ASTN2: variants seen among roughly 807,000 people sequenced by gnomAD.
ASTN2 encodes the protein astrotactin-2.
Under a neutral mutation model 139.8 loss-of-function variants are expected in ASTN2, and 54 were observed. That is an observed-to-expected ratio of 0.39 (90% CI 0.31 to 0.48). ASTN2 has a LOEUF of 0.48. ASTN2 is among the 20% of genes least tolerant of loss of function. ASTN2 has a pLI of 0.95. For synonymous variants in ASTN2, 756 were observed against 719.5 expected, an observed-to-expected ratio of 1.05 and a Z score of -0.81; for missense variants, 1,565 against 1,725.1, an observed-to-expected ratio of 0.91 and a Z score of 1.64.
intron 1 of ASTN2, among the ~76,000 whole-genome samples, chr9:117,365,419 T>G (rs1296599141): frequency 6.6e-6 from 1 of 152,162 alleles, no homozygotes; most frequent in Non-Finnish European, 1.5e-5. Flanking sequence ...GTTTCACTCA[T>G]GCTATATGTT....
At chr9:117,387,677 C>A (rs917386348) in intron 1 of ASTN2, among the ~76,000 whole-genome samples, 37 of 152,146 alleles carry the variant, frequency 2.4e-4, no homozygotes, top group African/African-American at 8.7e-4. Context: ...AAAAACAGAG[C>A]TTGAACCAGA....
intron 16 of ASTN2, among the ~76,000 whole-genome samples, chr9:116,656,758 G>A (rs755156052): frequency 1.3e-5 from 2 of 151,194 alleles, no homozygotes; most frequent in Non-Finnish European, 2.9e-5. Context: ...CTTTTCGGCA[G>A]GAGATGATGG....
intron 2 of ASTN2, among the ~76,000 whole-genome samples, chr9:117,257,589 T>C (rs1305837550): frequency 6.6e-6 from 1 of 152,234 alleles, no homozygotes; most frequent in Admixed American, 6.5e-5. Flanking sequence ...GAAACATTAT[T>C]TAATGTATTT....
intron 6 of ASTN2, among the ~76,000 whole-genome samples, chr9:117,008,680 A>G (rs1355787645): frequency 6.6e-6 from 1 of 152,200 alleles, no homozygotes; most frequent in Admixed American, 6.5e-5. Context: ...CTGACTTATT[A>G]TAGGAAATAA....
At chr9:117,404,954 G>A (rs1427146784) in intron 1 of ASTN2, among the ~76,000 whole-genome samples, 2 of 152,120 alleles carry the variant, frequency 1.3e-5, no homozygotes, top group East Asian at 1.9e-4. Context: ...AAACATAGGA[G>A]TTTGCTTGTC....
chr9:117,120,100 T>A (rs1244268956), intron 4 of ASTN2, among the ~76,000 whole-genome samples: 1 of 138,300 alleles, frequency 7.2e-6, no homozygotes, highest in Non-Finnish European at 1.5e-5. Context: ...TGCTGAAAAA[T>A]TACAAAATAT....
At chr9:116,643,633 T>C (rs1857448410) in intron 17 of ASTN2, among the ~76,000 whole-genome samples, 1 of 152,122 alleles carries the variant, frequency 6.6e-6, no homozygotes, top group African/African-American at 2.4e-5. Context: ...CCCTCATAAG[T>C]TGTTGGATGA....
At chr9:116,964,079 C>T (rs1015441978) in intron 10 of ASTN2, among the ~76,000 whole-genome samples, 5 of 152,112 alleles carry the variant, frequency 3.3e-5, no homozygotes, top group African/African-American at 1.2e-4. Flanking sequence ...CTTGAGCATG[C>T]CACCTGTTTC....
At position 116,503,860 on chromosome 9, in the gene ASTN2, C is replaced by A. The variant is rs538944499; in HGVS notation, c.3356-16360G>T. ...GAGGTAGGCAGTTTAGGATTATCAT[C>A]CCCAGTTTACAGGTACCTGTGGTTA... On this transcript the variant is annotated intron_variant, in intron 19 of 22. Coordinates refer to ENST00000313400, the MANE Select transcript of ASTN2 (RefSeq NM_001365068.1). Among the ~76,000 whole-genome samples the A allele has an allele frequency of 5.3e-5, 8 of 152,244 alleles. No individual in the cohort carries two copies. The South Asian group carries it at 1.0e-3, about 20-fold the overall frequency.
At chr9:117,316,107 A>G (rs1297326934) in intron 1 of ASTN2, among the ~76,000 whole-genome samples, 1 of 152,230 alleles carries the variant, frequency 6.6e-6, no homozygotes, top group Admixed American at 6.5e-5. Flanking sequence ...CACAAATTGC[A>G]TGGCTTAGAC....
chr9:116,887,493 G>A, intron 10 of ASTN2, among the ~76,000 whole-genome samples: 1 of 151,810 alleles, frequency 6.6e-6, no homozygotes, highest in East Asian at 2.0e-4. Context: ...AGGTGCAAAG[G>A]CCCAGGGGCA....
At chr9:117,046,271 G>A (rs1424820107) in intron 5 of ASTN2, among the ~76,000 whole-genome samples, 1 of 152,098 alleles carries the variant, frequency 6.6e-6, no homozygotes, top group Non-Finnish European at 1.5e-5. Context: ...AATGTGCTAG[G>A]ATTATAGGCA....
intron 17 of ASTN2, among the ~76,000 whole-genome samples, chr9:116,625,839 T>C (rs142656270): frequency 7.1e-4 from 108 of 152,278 alleles, no homozygotes; most frequent in Non-Finnish European, 1.4e-3. Context: ...GAAGGAGGTG[T>C]GGACCCTGCC....
intron 1 of ASTN2, among the ~76,000 whole-genome samples, chr9:117,297,904 C>T (rs980242869): frequency 3.3e-5 from 5 of 152,340 alleles, no homozygotes; most frequent in South Asian, 4.1e-4. Flanking sequence ...CTTGACTAAA[C>T]GCCCAAGAAT....
At chr9:116,571,327 A>G (rs10739468) in intron 19 of ASTN2, among the ~76,000 whole-genome samples, 142,521 of 152,306 alleles carry the variant, frequency 0.94, 66,722 homozygotes, top group East Asian at 0.96. Context: ...CTGAGCACTC[A>G]ATCTGGACTC....
intron 19 of ASTN2, among the ~76,000 whole-genome samples, chr9:116,596,959 G>C (rs1361431603): frequency 6.6e-6 from 1 of 152,168 alleles, no homozygotes; most frequent in Non-Finnish European, 1.5e-5. Context: ...AAGTAGGCTA[G>C]TGTTGTTACT....
rs1030184101 is a variant in ASTN2, at chr9:117,148,557, G to A, written c.1016-7079C>T. ...AAGAGATAAACTCATCATAAAGTTAGCAGCAGACCAAGGTCTAGCACTCAA... is the reference window on the plus strand; with the variant it reads ...AAGAGATAAACTCATCATAAAGTTAACAGCAGACCAAGGTCTAGCACTCAA... On this transcript the variant is annotated intron_variant, in intron 3 of 22. Coordinates refer to ENST00000313400, the MANE Select transcript of ASTN2 (RefSeq NM_001365068.1). Among the ~76,000 whole-genome samples, 13 of 152,112 alleles carry A rather than the reference G, an allele frequency of 8.5e-5. 1 individual carries two copies. The highest frequency in any genetic ancestry group is 1.9e-4 in the Non-Finnish European group (13 of 68,026).
At chr9:116,632,252 G>GGAAAGAAAGAAAGAAA (rs1170260019) in intron 17 of ASTN2, among the ~76,000 whole-genome samples, 2,097 of 70,500 alleles carry the variant, frequency 0.03, 71 homozygotes, top group African/African-American at 0.05. Flanking sequence ...AAAGAAAGAA[G>GGAAAGAAAGAAAGAAA]GAAAGAAAGA....
intron 1 of ASTN2, among the ~76,000 whole-genome samples, chr9:117,401,493 T>C (rs1588015441): frequency 6.6e-6 from 1 of 152,164 alleles, no homozygotes; most frequent in African/African-American, 2.4e-5. Context: ...TGAAAAAGAA[T>C]GAGGATTTTA....
Sources: allele counts gnomAD v4.1 joint callset (sites outside exome capture counted in the v4.1 genomes callset), GRCh38; gene constraint gnomAD v4.1.1; transcripts MANE v1.5; gene names NCBI Gene and HGNC (gene_info 2026-07-23, HGNC 2026-07-21).